Variants in PIEZO1 observed in about 807,000 individuals in gnomAD.
PIEZO1 encodes piezo type mechanosensitive ion channel component 1 (Er blood group), also known as piezo-type mechanosensitive ion channel component 1.
A neutral mutation model predicts 297.2 loss-of-function variants in PIEZO1; 296 were observed. That is an observed-to-expected ratio of 1.00 (90% CI 0.91 to 1.10). The LOEUF is 1.10. PIEZO1 is among the 50% of genes least tolerant of loss of function. The pLI is 0.00. For synonymous variants in PIEZO1, 2,427 were observed against 1,507.5 expected (o/e 1.61, Z -14.13); for missense variants, 5,018 against 3,455.5 (o/e 1.45, Z -11.34).
Position 88,767,457 on chromosome 16 carries a change from C to T in PIEZO1, c.64+17444G>A, listed in dbSNP as rs374756192. Among the ~76,000 whole-genome samples, 126 of 152,234 alleles carry T rather than the reference C, an allele frequency of 8.3e-4. 1 individual carries two copies. The highest frequency in any genetic ancestry group is 2.8e-3 in the African/African-American group (117 of 41,526). ...GAAGGAAGGGGACCAGCCACAAGGT[C>T]GAAGCTTCAGTCAGCTTTGGAACTC... On this transcript the variant is annotated intron_variant, in intron 1 of 50. Transcript: ENST00000301015.
chr16:88,720,515 C>T lies in PIEZO1; in HGVS notation c.5819G>A (p.Arg1940Gln), dbSNP rs751277725. The change falls in exon 41 of 51, where the codon CGG (arginine) becomes CAG (glutamine). Residue 1940 changes from arginine (R) to glutamine (Q), a missense_variant. Transcript: ENST00000301015. ...FCLSLAQGTY[R>Q]PLRRFFHDIL... Reference sequence around the variant, plus strand: ...GTCGTGGAAGAAGCGCCGTAGCGGCCGATATGTGCCCTGGGCCCTGCGGAA... The same window carrying T: ...GTCGTGGAAGAAGCGCCGTAGCGGCTGATATGTGCCCTGGGCCCTGCGGAA... 9.0e-6 allele frequency: 14 copies of T among 1,550,150 alleles called. No individual in the cohort carries two copies. The highest frequency in any genetic ancestry group is 1.2e-5 in the South Asian group (1 of 84,064).
intron 1 of PIEZO1, among the ~76,000 whole-genome samples, chr16:88,754,834 A>G (rs1360074885): frequency 6.6e-6 from 1 of 152,226 alleles, no homozygotes; most frequent in Non-Finnish European, 1.5e-5. Context: ...CCCGGGACCC[A>G]CAGGAGCTGA....
chr16:88,732,112 G>A (rs1396128622), intron 21 of PIEZO1, among the ~76,000 whole-genome samples: 2 of 150,584 alleles, frequency 1.3e-5, no homozygotes, highest in South Asian at 2.1e-4. Flanking sequence ...GGCTCCAGGA[G>A]GTGGGCTGTA....
intron 44 of PIEZO1, chr16:88,718,037 C>T (rs977352601): frequency 1.1e-4 from 33 of 301,986 alleles, no homozygotes; most frequent in Non-Finnish European, 1.8e-4. Flanking sequence ...GAGTGAAGGT[C>T]ATGCCACTGC....
At chr16:88,781,342 G>A (rs1907927288) in intron 1 of PIEZO1, among the ~76,000 whole-genome samples, 1 of 152,230 alleles carries the variant, frequency 6.6e-6, no homozygotes, top group Admixed American at 6.5e-5. Flanking sequence ...AGCTCCCTGT[G>A]TCCTGGGCAC....
In PIEZO1 at chr16:88,727,640, C is replaced by G; in HGVS notation, c.3218G>C (p.Arg1073Pro). ...LCIDYPWRWS[R>P]AVPMNSALIK... ...GAGTGCGGAGTTCATGGGGACGGCC[C>G]GGCTCCAGCGCCAGGGATAATCTGG... The change falls in exon 23 of 51, where the codon CGG becomes CCG. Residue 1073 changes from arginine (R) to proline (P), a missense_variant. Physicochemically the swap from Arg to Pro is moderately radical, Grantham distance 103 (BLOSUM62 -2). Transcript: ENST00000301015. The G allele has an allele frequency of 6.7e-7, 1 of 1,488,572 alleles. No homozygotes were observed. Among genetic ancestry groups the G allele is most frequent in the Non-Finnish European group, 9.0e-7 (1 of 1,109,138 alleles). The allele number at this position is 1,488,572 out of a possible 1,614,324, so 92.2% of individuals were successfully genotyped here.
rs147989002 is a variant in PIEZO1, at chr16:88,729,603, C to T, written c.3197-1942G>A. On this transcript the variant is annotated intron_variant, in intron 22 of 50. Transcript: ENST00000301015. Reference sequence around the variant, plus strand: ...CAAAGTGACCCTCGATGCTGGGGAACCCAGGACATTCTGAACCCACAGCCC... The same window carrying T: ...CAAAGTGACCCTCGATGCTGGGGAATCCAGGACATTCTGAACCCACAGCCC... Among the ~76,000 whole-genome samples, 955 of 142,162 alleles carry T rather than the reference C, an allele frequency of 6.7e-3. 65 individuals are homozygous for T. The highest frequency in any genetic ancestry group is 0.025 in the African/African-American group (864 of 34,612). 93.3% of individuals were successfully genotyped at this position (142,162 alleles called of 152,430 possible).
At chr16:88,770,800 G>A (rs1237208332) in intron 1 of PIEZO1, among the ~76,000 whole-genome samples, 1 of 152,220 alleles carries the variant, frequency 6.6e-6, no homozygotes, top group East Asian at 1.9e-4. Context: ...GCCCCGCGCG[G>A]CCCTGCCATA....
Position 88,715,860 on chromosome 16 carries a change from G to C in PIEZO1, c.7317-6C>G, listed in dbSNP as rs946569406. The stretch of plus-strand genomic sequence containing the variant: ...ACACGTACAGCCCCATGATGCTGCG[G>C]GGGAAGCTGGTGAGTCCTGGGGCCG... On this transcript the variant is annotated splice_region_variant and splice_polypyrimidine_tract_variant and intron_variant, in intron 50 of 50. Coordinates refer to ENST00000301015, the MANE Select transcript of PIEZO1 (RefSeq NM_001142864.4). The C allele has an allele frequency of 2.6e-6, 4 of 1,549,342 alleles. No individual in the cohort carries two copies. In the Admixed American group the frequency reaches 7.8e-5, roughly 30 times the overall value.
chr16:88,762,945 G>A (rs529087362), intron 1 of PIEZO1, among the ~76,000 whole-genome samples: 1 of 152,320 alleles, frequency 6.6e-6, no homozygotes, highest in East Asian at 1.9e-4. Context: ...ATACCCAGGA[G>A]CTCCAGGCTG....
Position 88,716,464 on chromosome 16 carries a change from T to C in PIEZO1, c.6946A>G (p.Thr2316Ala). The C allele has an allele frequency of 6.5e-7, 1 of 1,548,936 alleles. No individual in the cohort carries two copies. Among genetic ancestry groups the C allele is most frequent in the South Asian group, 1.2e-5 (1 of 83,872 alleles). The change falls in exon 48 of 51, where the codon ACT becomes GCT. Residue 2316 changes from threonine to alanine, a missense_variant. Thr to Ala is a moderately conservative substitution (Grantham distance 58). Coordinates refer to ENST00000301015, the MANE Select transcript of PIEZO1 (RefSeq NM_001142864.4). The part of the protein sequence containing the change: ...NFQRDLAKGG[T>A]VEYANEKHML... ...TGCTTCTCGTTGGCATACTCCACAGTGCCTCCCTTCGCCAGGTCCCTGGGG... is the reference window on the plus strand; with the variant it reads ...TGCTTCTCGTTGGCATACTCCACAGCGCCTCCCTTCGCCAGGTCCCTGGGG...
intron 1 of PIEZO1, among the ~76,000 whole-genome samples, chr16:88,777,267 G>A (rs1033243399): frequency 5.9e-5 from 9 of 152,234 alleles, no homozygotes; most frequent in Non-Finnish European, 1.2e-4. Flanking sequence ...CACCATGCCC[G>A]GAGGACCTGC....
intron 19 of PIEZO1, 162 bp downstream of exon 19, chr16:88,733,116 G>A (rs928015646): frequency 2.6e-5 from 17 of 664,654 alleles, no homozygotes; most frequent in Middle Eastern, 8.3e-4. Flanking sequence ...AGTTGAGGTC[G>A]AAGGATGCTG....
In PIEZO1 at chr16:88,715,608, C is replaced by T; in HGVS notation, c.7563G>A (p.Glu2521=). The change falls in exon 51 of 51, where the codon GAG becomes GAA. Residue 2521 remains glutamate (E), a synonymous_variant. Coordinates refer to ENST00000301015, the MANE Select transcript of PIEZO1 (RefSeq NM_001142864.4). ...ETMIKWTREK[E] ...TCTCGGGCGCCAGCAGCAGCTCCTA[C>T]TCCTTCTCACGAGTCCACTTGATCA... 6.5e-7 allele frequency: 1 copy of T among 1,549,680 alleles called. No homozygotes were observed. The highest frequency in any genetic ancestry group is 8.7e-7 in the Non-Finnish European group (1 of 1,146,742).
chr16:88,763,687 A>C (rs1298974799), intron 1 of PIEZO1, among the ~76,000 whole-genome samples: 1 of 152,170 alleles, frequency 6.6e-6, no homozygotes, highest in Non-Finnish European at 1.5e-5. Context: ...TGACCCAGGG[A>C]GTGGACAGCA....
chr16:88,738,280 G>A lies in PIEZO1; in HGVS notation c.795C>T (p.Cys265=). 1 of 1,535,904 alleles carries A rather than the reference G, an allele frequency of 6.5e-7. No homozygotes were observed. The highest frequency in any genetic ancestry group is 8.7e-7 in the Non-Finnish European group (1 of 1,146,840). Residue 265 remains cysteine (C), a synonymous_variant, in exon 7 of 51, where the codon TGC becomes TGT. Coordinates refer to ENST00000301015, the MANE Select transcript of PIEZO1 (RefSeq NM_001142864.4). ...FGAGHLICLY[C]YQMPLAQALL... ...GAGCCTGTGCCAAGGGCATCTGGTA[G>A]CAGTAGAGGCAGATGAGATGGCCGG...
At chr16:88,735,968 G>C (rs1448234899) in intron 12 of PIEZO1, among the ~76,000 whole-genome samples, 180 bp downstream of exon 12, 4 of 152,244 alleles carry the variant, frequency 2.6e-5, no homozygotes, top group African/African-American at 9.6e-5. Flanking sequence ...TGTTTATTCA[G>C]TCAACAAACG....
chr16:88,742,965 A>G (rs951245019), intron 2 of PIEZO1: 20 of 423,132 alleles, frequency 4.7e-5, no homozygotes, highest in African/African-American at 4.0e-4. Flanking sequence ...ATCCCGATGC[A>G]TGGCCTATGC....
chr16:88,746,415 G>T (rs866926287), intron 2 of PIEZO1, among the ~76,000 whole-genome samples: 1 of 152,158 alleles, frequency 6.6e-6, no homozygotes. Flanking sequence ...CTGTGGCTCT[G>T]CCTGCAGCCC....
Sources: allele counts gnomAD v4.1 joint callset (sites outside exome capture counted in the v4.1 genomes callset), GRCh38; gene constraint gnomAD v4.1.1; transcripts MANE v1.5; gene names NCBI Gene and HGNC (gene_info 2026-07-23, HGNC 2026-07-21).